Variants in POLA1 observed in about 807,000 individuals in gnomAD.
POLA1 encodes DNA polymerase alpha 1, catalytic subunit, also known as DNA polymerase alpha catalytic subunit.
A neutral mutation model predicts 124.0 loss-of-function variants in POLA1; 15 were observed. That is an observed-to-expected ratio of 0.12 (90% CI 0.08 to 0.19). POLA1 has a LOEUF of 0.19. POLA1 is among the 10% of genes least tolerant of loss of function. POLA1 has a pLI of 1.00. For missense variants in POLA1, 886 were observed against 1,103.4 expected (o/e 0.80, Z 2.79); for synonymous variants, 408 against 389.4 (o/e 1.05, Z -0.56).
intron 26 of POLA1, among the ~76,000 whole-genome samples, chrX:24,806,399 TG>T (rs1469952788): frequency 1.8e-5 from 2 of 110,130 alleles, no homozygotes; most frequent in Admixed American, 1.9e-4. Context: ...AGGGCAGCTT[TG>T]GAGTGTTTCT....
At position 24,872,345 on chromosome X, in the gene POLA1, A is replaced by G. The variant is rs767975745; in HGVS notation, c.4048-15661A>G. ...AATGAGATTATAAATCTCATTTATA[A>G]TACAGGTTAAAAAGAGGAAATACCT... On this transcript the variant is annotated intron_variant, in intron 34 of 36. Coordinates refer to ENST00000379068, the MANE Select transcript of POLA1 (RefSeq NM_001330360.2). Among the ~76,000 whole-genome samples the G allele has an allele frequency of 6.1e-4, 68 of 111,431 alleles. 1 individual carries two copies. The highest frequency in any genetic ancestry group is 7.2e-4 in the Non-Finnish European group (38 of 53,056).
At chrX:24,949,224 T>C (rs1178533201) in intron 36 of POLA1, among the ~76,000 whole-genome samples, 2 of 112,149 alleles carry the variant, frequency 1.8e-5, no homozygotes. Context: ...TAAATGTGTT[T>C]AATTTGCCTG....
intron 36 of POLA1, among the ~76,000 whole-genome samples, chrX:24,945,152 A>G (rs1359147773): frequency 8.9e-6 from 1 of 112,873 alleles, no homozygotes; most frequent in Non-Finnish European, 1.9e-5. Context: ...GAAATAGGCT[A>G]ATATGTAAAA....
chrX:24,722,084 A>G (rs1175589449), intron 10 of POLA1, among the ~76,000 whole-genome samples: 1 of 111,811 alleles, frequency 8.9e-6, no homozygotes. Context: ...TATTTCTACC[A>G]GGATGTGTGA....
At chrX:24,929,264 CCTTAATTT>C (rs2047738846) in intron 35 of POLA1, among the ~76,000 whole-genome samples, 3 of 111,897 alleles carry the variant, frequency 2.7e-5, no homozygotes, top group Non-Finnish European at 3.8e-5. Context: ...TAGTGGTTTT[CCTTAATTT>C]CTTATTTACA....
At chrX:24,743,386 A>G in intron 23 of POLA1, 57 bp downstream of exon 23, 1 of 596,994 alleles carries the variant, frequency 1.7e-6, no homozygotes, top group Non-Finnish European at 2.7e-6. Flanking sequence ...CTTAATGTGG[A>G]TCTAGGCTTG....
intron 34 of POLA1, among the ~76,000 whole-genome samples, chrX:24,883,977 G>GT (rs912250042): frequency 9.9e-5 from 11 of 111,254 alleles, no homozygotes; most frequent in African/African-American, 3.6e-4. Flanking sequence ...AGGAATGAAA[G>GT]TAAGTTAAGT....
intron 34 of POLA1, among the ~76,000 whole-genome samples, chrX:24,882,683 T>TGGTG (rs750662989): frequency 1.6e-5 from 1 of 63,020 alleles, no homozygotes; most frequent in South Asian, 1.0e-3. Context: ...ATATATTCCA[T>TGGTG]GGTGTGTGTG....
At chrX:24,865,188 C>CA (rs2046777483) in intron 34 of POLA1, among the ~76,000 whole-genome samples, 1 of 111,929 alleles carries the variant, frequency 8.9e-6, no homozygotes, top group Admixed American at 9.4e-5. Context: ...CTAGAAAGTT[C>CA]AAAAAACAGA....
intron 34 of POLA1, among the ~76,000 whole-genome samples, chrX:24,885,964 G>A (rs1487553292): frequency 8.9e-6 from 1 of 112,212 alleles, no homozygotes; most frequent in African/African-American, 3.2e-5. Flanking sequence ...ATAGTAAAAC[G>A]TGAATATAAA....
At chrX:24,868,866 A>G (rs1371651869) in intron 34 of POLA1, among the ~76,000 whole-genome samples, 1 of 112,078 alleles carries the variant, frequency 8.9e-6, no homozygotes, top group Admixed American at 9.4e-5. Flanking sequence ...ACATTCCTGA[A>G]AGAAGAAAAG....
chrX:24,706,042 T>A (rs1928780963), intron 4 of POLA1, among the ~76,000 whole-genome samples: 1 of 111,596 alleles, frequency 9.0e-6, no homozygotes, highest in Non-Finnish European at 1.9e-5. Flanking sequence ...AAATAGGGGG[T>A]GATAATTTGA....
At chrX:24,799,373 T>C (rs1243078658) in intron 26 of POLA1, among the ~76,000 whole-genome samples, 1 of 112,195 alleles carries the variant, frequency 8.9e-6, no homozygotes, top group Non-Finnish European at 1.9e-5. Context: ...AAATCTGCCA[T>C]TTGTGGGAGC....
At chrX:24,704,592 A>C in intron 4 of POLA1, 123 bp downstream of exon 4, 1 of 487,427 alleles carries the variant, frequency 2.1e-6, no homozygotes. Flanking sequence ...TTGTTTTTAG[A>C]TACGGAATAT....
intron 34 of POLA1, among the ~76,000 whole-genome samples, chrX:24,885,165 T>C (rs780767009): frequency 3.6e-5 from 4 of 112,480 alleles, no homozygotes; most frequent in Non-Finnish European, 7.5e-5. Context: ...ATTTCTTATC[T>C]CAAAACCTGA....
intron 26 of POLA1, among the ~76,000 whole-genome samples, chrX:24,762,849 T>G (rs11573386): frequency 2.3e-3 from 258 of 110,997 alleles, no homozygotes; most frequent in Non-Finnish European, 3.8e-3. Flanking sequence ...GTGACTTTCC[T>G]GCCTCAGCCT....
Position 24,723,274 on chromosome X carries a change from A to G in POLA1, c.1200+7A>G, listed in dbSNP as rs750958189. The G allele has an allele frequency of 1.7e-5, 18 of 1,068,242 alleles. No homozygotes were observed. In the Admixed American group the frequency reaches 3.5e-4, roughly 21 times the overall value. 88.0% of individuals were successfully genotyped at this position (1,068,242 alleles called of 1,213,427 possible). ...CTTCCTTCCCCGTGAAATGGTAAAC[A>G]TTAGTGATTAGCTTTTAGTTCTCAG... On this transcript the variant is annotated splice_region_variant and intron_variant, in intron 11 of 36. Coordinates refer to ENST00000379068, the MANE Select transcript of POLA1 (RefSeq NM_001330360.2).
chrX:24,700,428 A>G (rs1928329771), intron 2 of POLA1, among the ~76,000 whole-genome samples: 1 of 111,916 alleles, frequency 8.9e-6, no homozygotes, highest in African/African-American at 3.2e-5. Flanking sequence ...AATATTTGCC[A>G]TTTGTCACCA....
At chrX:24,872,572 A>G (rs1388637290) in intron 34 of POLA1, among the ~76,000 whole-genome samples, 3 of 111,661 alleles carry the variant, frequency 2.7e-5, no homozygotes, top group African/African-American at 9.8e-5. Context: ...AACAGAGAAA[A>G]TGACCCACCA....
Sources: gnomAD v4.1 joint callset for allele counts (sites outside exome capture counted in the v4.1 genomes callset) on GRCh38, gnomAD v4.1.1 for gene constraint, MANE v1.5 for transcripts, NCBI Gene and HGNC (gene_info 2026-07-23, HGNC 2026-07-21) for gene names.